LDB3: variants seen among roughly 807,000 people sequenced by gnomAD.
The protein encoded by LDB3 is LIM domain-binding protein 3.
LDB3 carries 49 observed loss-of-function variants against 69.0 expected under a neutral mutation model. The observed-to-expected ratio is 0.71, with a 90% CI of 0.56 to 0.90. LDB3 has a LOEUF of 0.90. Among genes scored for constraint, LDB3 ranks in the 40% least tolerant of loss-of-function variants. The probability of loss-of-function intolerance (pLI) is 0.00; values close to 1 mark genes in which losing one functional copy is unlikely to be tolerated. For synonymous variants in LDB3, 387 were observed against 396.2 expected, an observed-to-expected ratio of 0.98 and a Z score of 0.28; for missense variants, 928 against 974.1, an observed-to-expected ratio of 0.95 and a Z score of 0.63.
chr10:86,719,768 C>G (rs531349778), intron 12 of LDB3, among the ~76,000 whole-genome samples: 2 of 152,314 alleles, frequency 1.3e-5, no homozygotes, highest in African/African-American at 4.8e-5. Context: ...TCTGTACCCC[C>G]AAAATGCTAT....
chr10:86,668,719 C>T lies in LDB3; in HGVS notation c.28C>T (p.Pro10Ser). The T allele has an allele frequency of 6.2e-7, 1 of 1,613,384 alleles. No homozygotes were observed. Among genetic ancestry groups the T allele is most frequent in the Non-Finnish European group, 8.5e-7 (1 of 1,179,968 alleles). The change falls in exon 2 of 14, where the codon CCC becomes TCC. Residue 10 changes from proline (P) to serine (S), a missense_variant. Physicochemically the swap from Pro to Ser is moderately conservative, Grantham distance 74. Transcript: ENST00000361373. MSYSVTLTGPGPWGFRLQGG... is the reference protein window; with the variant it reads MSYSVTLTGSGPWGFRLQGG... ...GTCTTACAGTGTGACCCTGACTGGG[C>T]CCGGGCCCTGGGGCTTCCGTCTGCA... is the stretch of plus-strand genomic sequence containing the variant.
intron 8 of LDB3, among the ~76,000 whole-genome samples, chr10:86,707,233 G>C (rs561036805): frequency 1.3e-5 from 2 of 152,212 alleles, no homozygotes; most frequent in African/African-American, 4.8e-5. Flanking sequence ...CCATGTTAAC[G>C]CCAGAGGCAC....
chr10:86,680,203 G>A (rs964096777), intron 4 of LDB3, 46 bp downstream of exon 4: 9 of 1,568,154 alleles, frequency 5.7e-6, no homozygotes, highest in Non-Finnish European at 6.1e-6. Flanking sequence ...CCTGGTTCCT[G>A]GAGTGCTGGC....
At chr10:86,726,766 G>T (rs373397200) in intron 13 of LDB3, among the ~76,000 whole-genome samples, 2 of 152,242 alleles carry the variant, frequency 1.3e-5, no homozygotes, top group East Asian at 3.9e-4. Flanking sequence ...TTCCTAAGTG[G>T]TCCTTTCCTG....
intron 9 of LDB3, among the ~76,000 whole-genome samples, chr10:86,713,403 A>G (rs116113881): frequency 0.011 from 1,615 of 152,070 alleles, 24 homozygotes; most frequent in African/African-American, 0.031. Context: ...GCCCACCACC[A>G]TGCCCGGCTA....
intron 2 of LDB3, among the ~76,000 whole-genome samples, chr10:86,672,975 C>T (rs1036796634): frequency 1.3e-5 from 2 of 152,220 alleles, no homozygotes; most frequent in Non-Finnish European, 2.9e-5. Flanking sequence ...CCTGAGTCTC[C>T]TTCCCTTTCT....
intron 12 of LDB3, among the ~76,000 whole-genome samples, chr10:86,725,926 T>C (rs1847235478): frequency 6.6e-6 from 1 of 152,178 alleles, no homozygotes; most frequent in African/African-American, 2.4e-5. Context: ...CAGCACAAGA[T>C]GGTGTCTAAG....
chr10:86,671,641 GC>G (rs894682492), intron 2 of LDB3, among the ~76,000 whole-genome samples: 4 of 152,222 alleles, frequency 2.6e-5, no homozygotes, highest in Non-Finnish European at 5.9e-5. Context: ...AGCTCCAAAG[GC>G]CTCTGCCCTG....
At chr10:86,697,422 T>C (rs937719337) in intron 7 of LDB3, among the ~76,000 whole-genome samples, 1 of 151,684 alleles carries the variant, frequency 6.6e-6, no homozygotes, top group African/African-American at 2.4e-5. Flanking sequence ...GGTTTCACCA[T>C]ATTGGCCAGG....
intron 2 of LDB3, among the ~76,000 whole-genome samples, chr10:86,674,267 C>A (rs138578947): frequency 6.6e-6 from 1 of 152,190 alleles, no homozygotes; most frequent in Admixed American, 6.5e-5. Context: ...ACAACAATCC[C>A]GAGAAAGGCA....
At chr10:86,683,239 C>A (rs1435203738) in intron 5 of LDB3, among the ~76,000 whole-genome samples, 1 of 152,196 alleles carries the variant, frequency 6.6e-6, no homozygotes, top group Non-Finnish European at 1.5e-5. Flanking sequence ...CCATACTGAC[C>A]ATGCACTCTG....
At chr10:86,720,695 C>G (rs1227313440) in intron 12 of LDB3, among the ~76,000 whole-genome samples, 1 of 152,188 alleles carries the variant, frequency 6.6e-6, no homozygotes, top group Non-Finnish European at 1.5e-5. Context: ...AGCATTATAA[C>G]TTCTATTATT....
At chr10:86,670,022 G>A (rs1007696038) in intron 2 of LDB3, among the ~76,000 whole-genome samples, 1 of 102,910 alleles carries the variant, frequency 9.7e-6, no homozygotes, top group African/African-American at 4.7e-5. Flanking sequence ...CCCAGTGGAG[G>A]AGTAATCTTT....
rs1845781078 is a variant in LDB3 at position 86,691,912 on chromosome 10, G to C, written c.706G>C (p.Asp236His). The change falls in exon 6 of 14, where the codon GAC becomes CAC. Residue 236 changes from aspartate to histidine, a missense_variant. Coordinates refer to ENST00000361373, the MANE Select transcript of LDB3 (RefSeq NM_007078.3). ...GCATTACAGGAGCCTCCCTATTAAG[G>C]ACCTTGCCGTAGACAGCGCCTCTCC... ...GLPGGSLPIK[D>H]LAVDSASPVY... The C allele has an allele frequency of 6.2e-7, 1 of 1,614,154 alleles. No individual in the cohort carries two copies. The highest frequency in any genetic ancestry group is 1.7e-5 in the Admixed American group (1 of 60,026).
intron 4 of LDB3, 86 bp downstream of exon 4, chr10:86,680,243 C>T: frequency 7.9e-7 from 1 of 1,264,876 alleles, no homozygotes; most frequent in Non-Finnish European, 1.1e-6. Context: ...CTTTGGCTGG[C>T]CCAACTGGGA....
intron 12 of LDB3, among the ~76,000 whole-genome samples, chr10:86,720,010 T>A (rs1847019065): frequency 6.6e-6 from 1 of 152,210 alleles, no homozygotes; most frequent in South Asian, 2.1e-4. Flanking sequence ...CTGCAGGGAC[T>A]AACTGGGTAG....
chr10:86,711,749 G>A (rs1846676493), intron 9 of LDB3, among the ~76,000 whole-genome samples: 1 of 150,252 alleles, frequency 6.7e-6, no homozygotes, highest in African/African-American at 2.4e-5. Context: ...CGGAACACCT[G>A]AGGCCCGGGA....
intron 11 of LDB3, 122 bp downstream of exon 11, chr10:86,718,266 T>A: frequency 1.1e-6 from 1 of 921,156 alleles, no homozygotes; most frequent in East Asian, 2.4e-5. Context: ...TCCATTTTTA[T>A]CCTAAAAGGG....
chr10:86,695,114 T>A (rs1262814098), intron 7 of LDB3, among the ~76,000 whole-genome samples: 1 of 149,180 alleles, frequency 6.7e-6, no homozygotes, highest in Non-Finnish European at 1.5e-5. Context: ...CACAGTCTTA[T>A]GCCCATGCAA....
Sources: gnomAD v4.1 joint callset for allele counts (sites outside exome capture counted in the v4.1 genomes callset) on GRCh38, gnomAD v4.1.1 for gene constraint, MANE v1.5 for transcripts, NCBI Gene and HGNC (gene_info 2026-07-23, HGNC 2026-07-21) for gene names.